POFUT3: variants seen among roughly 807,000 people sequenced by gnomAD.
POFUT3 encodes the protein protein O-fucosyltransferase 3, also known as GDP-fucose protein O-fucosyltransferase 3.
the POFUT3 span, chr8:33,389,924 G>A: frequency 2.9e-6 from 2 of 684,466 alleles, no homozygotes; most frequent in Non-Finnish European, 4.9e-6. Flanking sequence ...GCCGGGCACG[G>A]TGGCTCACGC....
At chr8:33,393,591 T>C in the POFUT3 span, among the ~76,000 whole-genome samples, 1 of 152,204 alleles carries the variant, frequency 6.6e-6, no homozygotes, top group Admixed American at 6.5e-5. Flanking sequence ...ATTACTCCCA[T>C]ACAAACTGGT....
At chr8:33,461,563 T>C in the POFUT3 span, 1 of 1,568,452 alleles carries the variant, frequency 6.4e-7, no homozygotes, top group South Asian at 1.1e-5. Flanking sequence ...GGCGCCAATT[T>C]CCTGCACTGC....
the POFUT3 span, among the ~76,000 whole-genome samples, chr8:33,314,311 G>C: frequency 6.6e-6 from 1 of 152,112 alleles, no homozygotes; most frequent in Admixed American, 6.6e-5. Flanking sequence ...TCAACCACGT[G>C]GGATGGAGGT....
chr8:33,464,999 C>T, the POFUT3 span, among the ~76,000 whole-genome samples: 146 of 152,272 alleles, frequency 9.6e-4, no homozygotes, highest in Middle Eastern at 0.02. Flanking sequence ...CAACATGGAG[C>T]TAGCACTTTG....
At chr8:33,356,124 A>G in the POFUT3 span, among the ~76,000 whole-genome samples, 15 of 152,194 alleles carry the variant, frequency 9.9e-5, no homozygotes, top group African/African-American at 2.7e-4. Flanking sequence ...TAGAGCCGCA[A>G]TAAACATACG....
chr8:33,441,017 G>A, the POFUT3 span, among the ~76,000 whole-genome samples: 3 of 152,048 alleles, frequency 2.0e-5, no homozygotes, highest in African/African-American at 7.2e-5. Context: ...TGTAAAATTT[G>A]TAAAATAAAA....
the POFUT3 span, among the ~76,000 whole-genome samples, chr8:33,315,626 G>A: frequency 0.016 from 2,365 of 152,104 alleles, 56 homozygotes; most frequent in African/African-American, 0.054. Context: ...GAGAGAAACC[G>A]ATGGGAACAA....
At chr8:33,438,665 G>A in the POFUT3 span, among the ~76,000 whole-genome samples, 2 of 152,156 alleles carry the variant, frequency 1.3e-5, no homozygotes, top group Non-Finnish European at 2.9e-5. Flanking sequence ...AGAAAAAGAG[G>A]TTTAATAGAC....
At chr8:33,390,217 C>T in the POFUT3 span, among the ~76,000 whole-genome samples, 1 of 150,982 alleles carries the variant, frequency 6.6e-6, no homozygotes, top group Non-Finnish European at 1.5e-5. Flanking sequence ...CACACACACA[C>T]ACACACACAT....
chr8:33,461,501 G>A, the POFUT3 span: 2 of 1,612,382 alleles, frequency 1.2e-6, no homozygotes, highest in Non-Finnish European at 8.5e-7. Flanking sequence ...GTTACCAGGT[G>A]TTCTCTCGTC....
the POFUT3 span, among the ~76,000 whole-genome samples, chr8:33,379,104 G>A: frequency 1.3e-5 from 2 of 151,888 alleles, no homozygotes; most frequent in Non-Finnish European, 2.9e-5. Flanking sequence ...CTCCCCTCCT[G>A]CTTTGTCGTG....
chr8:33,375,842 C>A, the POFUT3 span, among the ~76,000 whole-genome samples: 1 of 151,814 alleles, frequency 6.6e-6, no homozygotes, highest in Non-Finnish European at 1.5e-5. Flanking sequence ...CATGGTGAAA[C>A]CCTGTCTTTA....
the POFUT3 span, chr8:33,436,753 C>A: frequency 1.7e-6 from 1 of 581,176 alleles, no homozygotes; most frequent in Non-Finnish European, 3.1e-6. Context: ...GCAGCACGGA[C>A]GCTTCTGACA....
At chr8:33,387,211 T>G in the POFUT3 span, among the ~76,000 whole-genome samples, 8 of 152,118 alleles carry the variant, frequency 5.3e-5, no homozygotes, top group Non-Finnish European at 8.8e-5. Flanking sequence ...TGATGTAATA[T>G]TTAGTGTTCA....
At chr8:33,316,596 G>A in the POFUT3 span, among the ~76,000 whole-genome samples, 2 of 150,746 alleles carry the variant, frequency 1.3e-5, no homozygotes, top group Admixed American at 1.3e-4. Flanking sequence ...AAGAAAGAAA[G>A]CTGGGCATTG....
At chr8:33,350,487 C>A in the POFUT3 span, among the ~76,000 whole-genome samples, 2 of 152,016 alleles carry the variant, frequency 1.3e-5, no homozygotes, top group African/African-American at 2.4e-5. Flanking sequence ...GTGAGTTAGA[C>A]CCTGCACAAA....
At chr8:33,322,963 A>T in the POFUT3 span, among the ~76,000 whole-genome samples, 4 of 151,784 alleles carry the variant, frequency 2.6e-5, no homozygotes, top group African/African-American at 9.7e-5. Flanking sequence ...TTCAAAGACA[A>T]CTAAGTGTTT....
At chr8:33,452,627 T>C in the POFUT3 span, 1 of 151,846 alleles carries the variant, frequency 6.6e-6, no homozygotes, top group East Asian at 1.9e-4. Context: ...TTAAAAAACT[T>C]TAACACACAT....
At chr8:33,436,284 C>T in the POFUT3 span, 15 of 1,342,740 alleles carry the variant, frequency 1.1e-5, no homozygotes, top group Admixed American at 2.4e-4. Flanking sequence ...ACACATCCCA[C>T]TGTGAAACTC....
Sources: allele counts gnomAD v4.1 joint callset (sites outside exome capture counted in the v4.1 genomes callset), GRCh38; gene constraint gnomAD v4.1.1; transcripts MANE v1.5; gene names NCBI Gene and HGNC (gene_info 2026-07-23, HGNC 2026-07-21).